Variants in RPSA2 observed in about 807,000 individuals in gnomAD.
RPSA2 encodes the protein small ribosomal subunit protein uS2B.
the RPSA2 span, among the ~76,000 whole-genome samples, chr19:23,791,641 C>T: frequency 6.6e-6 from 1 of 152,138 alleles, no homozygotes; most frequent in Admixed American, 6.5e-5. Context: ...TTTCCAGTTT[C>T]GTCTGATATT....
chr19:23,859,818 T>G, the RPSA2 span, among the ~76,000 whole-genome samples: 73 of 152,210 alleles, frequency 4.8e-4, no homozygotes, highest in Non-Finnish European at 8.8e-4. Flanking sequence ...AAGGAGTCCC[T>G]GCTTTGTAAA....
the RPSA2 span, among the ~76,000 whole-genome samples, chr19:23,787,776 A>G: frequency 1.3e-5 from 2 of 152,186 alleles, no homozygotes; most frequent in East Asian, 3.8e-4. Context: ...TCCTGCAGGA[A>G]AGATGGTGAA....
chr19:23,787,794 T>C, the RPSA2 span, among the ~76,000 whole-genome samples: 4 of 152,208 alleles, frequency 2.6e-5, no homozygotes, highest in East Asian at 5.8e-4. Flanking sequence ...GAAATATTAA[T>C]GAACTAAGTA....
At chr19:23,803,547 C>A in the RPSA2 span, among the ~76,000 whole-genome samples, 3 of 152,152 alleles carry the variant, frequency 2.0e-5, no homozygotes, top group East Asian at 5.8e-4. Flanking sequence ...GAAACTCTAT[C>A]TGTATCCCTC....
the RPSA2 span, among the ~76,000 whole-genome samples, chr19:23,760,914 C>G: frequency 0.042 from 6,407 of 151,344 alleles, 207 homozygotes; most frequent in South Asian, 0.16. Flanking sequence ...ATCTGCCCAC[C>G]TCGGCCTCCC....
the RPSA2 span, among the ~76,000 whole-genome samples, chr19:23,838,551 G>A: frequency 6.6e-6 from 1 of 151,722 alleles, no homozygotes; most frequent in South Asian, 2.1e-4. Flanking sequence ...ATTTTTTTTT[G>A]TTGGTGGTAA....
the RPSA2 span, among the ~76,000 whole-genome samples, chr19:23,791,424 T>C: frequency 6.6e-6 from 1 of 152,330 alleles, no homozygotes; most frequent in African/African-American, 2.4e-5. Flanking sequence ...TACCAAAAAA[T>C]GCTCTTGAGT....
At chr19:23,864,498 G>T in the RPSA2 span, among the ~76,000 whole-genome samples, 1 of 152,102 alleles carries the variant, frequency 6.6e-6, no homozygotes, top group East Asian at 1.9e-4. Context: ...CACTATAACA[G>T]TGCAAATACA....
chr19:23,821,983 C>A, the RPSA2 span, among the ~76,000 whole-genome samples: 2 of 152,146 alleles, frequency 1.3e-5, no homozygotes, highest in Non-Finnish European at 2.9e-5. Flanking sequence ...CCTGCAAAAC[C>A]CTCTAGCTTT....
chr19:23,852,767 TG>T, the RPSA2 span, among the ~76,000 whole-genome samples: 1 of 152,216 alleles, frequency 6.6e-6, no homozygotes, highest in Admixed American at 6.5e-5. Flanking sequence ...GGCCAGATTT[TG>T]GGGGGCTTGC....
chr19:23,760,349 G>T, the RPSA2 span, among the ~76,000 whole-genome samples: 151,648 of 152,228 alleles, frequency 1, 75,540 homozygotes, highest in Middle Eastern at 1. Flanking sequence ...GGCTTGTATG[G>T]GTGTATTTGT....
At chr19:23,859,234 A>G in the RPSA2 span, among the ~76,000 whole-genome samples, 5 of 152,328 alleles carry the variant, frequency 3.3e-5, no homozygotes, top group African/African-American at 1.2e-4. Context: ...TGCTACGTAC[A>G]AACATGACAT....
At chr19:23,764,377 C>A in the RPSA2 span, among the ~76,000 whole-genome samples, 1 of 152,344 alleles carries the variant, frequency 6.6e-6, no homozygotes, top group South Asian at 2.1e-4. Context: ...ACACTATCAA[C>A]TATTTGTCCT....
chr19:23,832,699 C>A, the RPSA2 span: 1 of 1,507,056 alleles, frequency 6.6e-7, no homozygotes. Context: ...TAAGAGGATG[C>A]ACACTGGAGA....
At chr19:23,804,362 T>A in the RPSA2 span, among the ~76,000 whole-genome samples, 269 of 148,048 alleles carry the variant, frequency 1.8e-3, no homozygotes, top group Non-Finnish European at 3.4e-3. Context: ...GGTGGCGCCA[T>A]TTCGGCTCAC....
chr19:23,776,295 G>A, the RPSA2 span, among the ~76,000 whole-genome samples: 1 of 152,154 alleles, frequency 6.6e-6, no homozygotes, highest in African/African-American at 2.4e-5. Flanking sequence ...CCAGAAACTA[G>A]GTGATGTGAC....
chr19:23,817,440 T>G, the RPSA2 span, among the ~76,000 whole-genome samples: 2 of 152,228 alleles, frequency 1.3e-5, no homozygotes, highest in African/African-American at 4.8e-5. Context: ...TTTATGCAGA[T>G]TGTATTCTGT....
chr19:23,865,059 G>C, the RPSA2 span, among the ~76,000 whole-genome samples: 1 of 152,176 alleles, frequency 6.6e-6, no homozygotes, highest in African/African-American at 2.4e-5. Context: ...CAGTGGCAAA[G>C]TGGTGTCATG....
the RPSA2 span, among the ~76,000 whole-genome samples, chr19:23,766,225 T>C: frequency 2.2e-5 from 3 of 135,594 alleles, no homozygotes; most frequent in African/African-American, 8.2e-5. Flanking sequence ...CAGTCTCGGC[T>C]CACTACAACC....
Sources: allele counts gnomAD v4.1 joint callset (sites outside exome capture counted in the v4.1 genomes callset), GRCh38; gene constraint gnomAD v4.1.1; transcripts MANE v1.5; gene names NCBI Gene and HGNC (gene_info 2026-07-23, HGNC 2026-07-21).